The following KIF1B variants were observed in gnomAD, a reference collection of about 807,000 sequenced individuals.
KIF1B encodes kinesin-like protein KIF1B.
In KIF1B, 76 loss-of-function variants were observed where a neutral mutation model predicts 241.9. That is an observed-to-expected ratio of 0.31 (90% CI 0.26 to 0.38). KIF1B has a LOEUF of 0.38. Among genes scored for constraint, KIF1B ranks in the 10% least tolerant of loss-of-function variants. The probability of loss-of-function intolerance (pLI) is 1.00; values close to 1 mark genes in which losing one functional copy is unlikely to be tolerated. For missense variants in KIF1B, 1,622 were observed against 2,271.4 expected (o/e 0.71, Z 5.81); for synonymous variants, 750 against 796.7 (o/e 0.94, Z 0.99).
intron 34 of KIF1B, among the ~76,000 whole-genome samples, chr1:10,345,163 A>G (rs1473937982): frequency 2.6e-5 from 4 of 152,092 alleles, no homozygotes; most frequent in Admixed American, 2.6e-4. Context: ...CATAAAAAAG[A>G]AAAAAAAGCA....
Position 10,380,278 on chromosome 1 carries a change from A to G in KIF1B, c.*3691A>G, listed in dbSNP as rs1638988628. The G allele has an allele frequency of 4.7e-6, 1 of 211,502 alleles. No individual in the cohort carries two copies. Among genetic ancestry groups the G allele is most frequent in the African/African-American group, 2.3e-5 (1 of 44,072 alleles). 13.1% of individuals were successfully genotyped at this position (211,502 alleles called of 1,614,324 possible). ...AAAGGATTCTCCAGTGTGCACACTC[A>G]TCGGTACTCTTTCTGCATTTCCCTC... is the stretch of plus-strand genomic sequence containing the variant. On this transcript the variant is annotated 3_prime_UTR_variant, in exon 49 of 49. Transcript: ENST00000676179.
At chr1:10,304,587 G>A (rs759995951) in intron 22 of KIF1B, 24 of 1,613,954 alleles carry the variant, frequency 1.5e-5, no homozygotes, top group African/African-American at 1.3e-4. Flanking sequence ...TGACACCTCC[G>A]CGGATGAGGA....
chr1:10,273,734 AAAAAAC>A (rs1410625367), intron 10 of KIF1B, among the ~76,000 whole-genome samples: 3 of 88,218 alleles, frequency 3.4e-5, no homozygotes, highest in African/African-American at 9.1e-5. Flanking sequence ...AAAAAAAAAA[AAAAAAC>A]CCAACAAACA....
At chr1:10,256,053 C>A (rs2102181311) in intron 2 of KIF1B, among the ~76,000 whole-genome samples, 194 bp from the exon 3 acceptor site, 1 of 151,982 alleles carries the variant, frequency 6.6e-6, no homozygotes, top group African/African-American at 2.4e-5. Flanking sequence ...TAGTGATCCA[C>A]CCAGCTCGGA....
At chr1:10,215,613 A>G (rs1455318764) in intron 1 of KIF1B, among the ~76,000 whole-genome samples, 4 of 151,930 alleles carry the variant, frequency 2.6e-5, no homozygotes, top group Non-Finnish European at 5.9e-5. Context: ...TGGCGCAGTC[A>G]TGGCTCACTG....
At chr1:10,223,882 A>AT (rs1646878005) in intron 1 of KIF1B, among the ~76,000 whole-genome samples, 1 of 152,082 alleles carries the variant, frequency 6.6e-6, no homozygotes, top group Non-Finnish European at 1.5e-5. Flanking sequence ...CAGAAAAAAT[A>AT]TTTAGGTTTA....
Position 10,283,201 on chromosome 1 carries a change from C to T in KIF1B, c.1434+668C>T, listed in dbSNP as rs564862411. Among the ~76,000 whole-genome samples the T allele has an allele frequency of 1.1e-3, 112 of 105,922 alleles. 1 individual carries two copies. The highest frequency in any genetic ancestry group is 3.8e-3 in the African/African-American group (95 of 25,326). The allele number at this position is 105,922 out of a possible 152,430, so 69.5% of individuals were successfully genotyped here. On this transcript the variant is annotated intron_variant, in intron 15 of 48. Coordinates refer to ENST00000676179, the MANE Select transcript of KIF1B (RefSeq NM_001365951.3). ...CAGCCTGGGGGACACAGTGAGACTC[C>T]GTCTCAAAAAAAAAAAAAAAAAAAA...
chr1:10,215,930 A>G (rs967362386), intron 1 of KIF1B, among the ~76,000 whole-genome samples: 1 of 152,188 alleles, frequency 6.6e-6, no homozygotes, highest in Non-Finnish European at 1.5e-5. Flanking sequence ...GCAGATGTCA[A>G]TGACTATGTA....
chr1:10,212,909 T>TATATATATATATATATATATATACAC (rs1646714508), intron 1 of KIF1B, among the ~76,000 whole-genome samples: 1 of 120,266 alleles, frequency 8.3e-6, no homozygotes, highest in Non-Finnish European at 1.7e-5. Flanking sequence ...TATATATATA[T>TATATATATATATATATATATATACAC]ATATATATAT....
At chr1:10,346,081 T>C (rs1652577481) in intron 35 of KIF1B, 128 bp downstream of exon 35, 3 of 756,296 alleles carry the variant, frequency 4.0e-6, no homozygotes. Context: ...GGTTTTGTTT[T>C]TGTTTTTGTT....
Position 10,336,639 on chromosome 1 carries a change from T to A in KIF1B, c.3044-18T>A. On this transcript the variant is annotated intron_variant, in intron 28 of 48. Transcript: ENST00000676179. ...TGTAGTCTCACTCAATTCTTGCTAATTTTTTTTTCTGCTTTAGCGGATGAA... is the reference window on the plus strand; with the variant it reads ...TGTAGTCTCACTCAATTCTTGCTAAATTTTTTTTCTGCTTTAGCGGATGAA... 1.9e-6 allele frequency: 3 copies of A among 1,586,710 alleles called. No homozygotes were observed. The highest frequency in any genetic ancestry group is 2.7e-5 in the African/African-American group (2 of 74,250).
intron 1 of KIF1B, among the ~76,000 whole-genome samples, chr1:10,228,111 G>A (rs1030655861): frequency 1.3e-5 from 2 of 150,596 alleles, no homozygotes; most frequent in East Asian, 2.0e-4. Context: ...CTTGAATCCC[G>A]AAAAAGGAGG....
At chr1:10,224,601 T>C (rs35766535) in intron 1 of KIF1B, among the ~76,000 whole-genome samples, 36,624 of 151,920 alleles carry the variant, frequency 0.24, 5,011 homozygotes, top group Admixed American at 0.31. Context: ...ACAAAAATGT[T>C]TTTTGGTAGA....
rs1651708819 is a variant in KIF1B, at chr1:10,326,014, C to T, written c.2676-97C>T. On this transcript the variant is annotated intron_variant, in intron 26 of 48. Coordinates refer to ENST00000676179, the MANE Select transcript of KIF1B (RefSeq NM_001365951.3). The surrounding 1 kb of genome is among the most constrained non-coding windows in gnomAD (Gnocchi z 5.2). The stretch of plus-strand genomic sequence containing the variant: ...CATTTGCTTTTATTGTGTTGATTCC[C>T]CAGTGGATTCTGTCCTGTTAGCACC... 9 of 1,466,950 alleles carry T rather than the reference C, an allele frequency of 6.1e-6. No homozygotes were observed. The highest frequency in any genetic ancestry group is 1.1e-5 in the South Asian group (1 of 87,544). The allele number at this position is 1,466,950 out of a possible 1,614,324, so 90.9% of individuals were successfully genotyped here.
At chr1:10,348,325 A>G (rs994054563) in intron 36 of KIF1B, among the ~76,000 whole-genome samples, 3 of 152,216 alleles carry the variant, frequency 2.0e-5, no homozygotes. Context: ...TGGGACATAC[A>G]ATCAGGGCAT....
At chr1:10,267,355 A>G (rs1648525611) in intron 5 of KIF1B, 25 bp from the exon 6 acceptor site, 4 of 1,610,022 alleles carry the variant, frequency 2.5e-6, no homozygotes, top group Non-Finnish European at 3.4e-6. Context: ...TTTCACTCTA[A>G]TTCACTTTAC....
At chr1:10,323,293 T>C in intron 24 of KIF1B, among the ~76,000 whole-genome samples, 1 of 152,234 alleles carries the variant, frequency 6.6e-6, no homozygotes, top group East Asian at 1.9e-4. Flanking sequence ...TTCTCTGGTA[T>C]AAATTCTATA....
intron 22 of KIF1B, among the ~76,000 whole-genome samples, chr1:10,300,450 T>G (rs1650487088): frequency 6.6e-6 from 1 of 151,852 alleles, no homozygotes; most frequent in African/African-American, 2.4e-5. Flanking sequence ...TGACAGCTGC[T>G]AGATTTTACT....
chr1:10,327,787 T>G (rs1651779913), intron 27 of KIF1B, among the ~76,000 whole-genome samples: 1 of 152,224 alleles, frequency 6.6e-6, no homozygotes, highest in Non-Finnish European at 1.5e-5. Context: ...TAATGGTACA[T>G]TAGAATCACA....
Sources: gnomAD v4.1 joint callset for allele counts (sites outside exome capture counted in the v4.1 genomes callset) on GRCh38, gnomAD v4.1.1 for gene constraint, Gnocchi (gnomAD v3.1) non-coding constraint, MANE v1.5 for transcripts, NCBI Gene and HGNC (gene_info 2026-07-23, HGNC 2026-07-21) for gene names.